DRGX: variants seen among roughly 807,000 people sequenced by gnomAD.
The protein encoded by DRGX is dorsal root ganglia homeobox protein.
In DRGX, 21 loss-of-function variants were observed where a neutral mutation model predicts 28.6. The observed-to-expected ratio is 0.73, with a 90% CI of 0.52 to 1.06. The LOEUF is 1.06. DRGX is among the 50% of genes least tolerant of loss of function. The pLI, the probability that DRGX is intolerant of heterozygous loss-of-function variation, is 0.00. For missense variants in DRGX, 354 were observed against 343.9 expected (o/e 1.03, Z -0.23); for synonymous variants, 136 against 139.1 (o/e 0.98, Z 0.16).
At chr10:49,386,406 C>A in intron 6 of DRGX, 72 bp downstream of exon 6, 1 of 1,375,302 alleles carries the variant, frequency 7.3e-7, no homozygotes, top group Non-Finnish European at 9.7e-7. Flanking sequence ...CGAGCCAAGA[C>A]CCAGGCCGGT....
chr10:49,386,764 G>A lies in DRGX; in HGVS notation c.329C>T (p.Thr110Ile), dbSNP rs985358606. Residue 110 changes from threonine (T) to isoleucine (I), a missense_variant, in exon 5 of 7, where the codon ACA becomes ATA. Thr to Ile is a moderately conservative substitution (Grantham distance 89). Transcript: ENST00000374139. The part of the protein sequence containing the change: ...PGAKEPMAEV[T>I]PPPVRNINSP... The stretch of plus-strand genomic sequence containing the variant: ...GTTGATGTTTCTCACTGGAGGAGGT[G>A]TCACCTCTGCCATGGGCTCCTTGGC... 4 of 1,610,318 alleles carry A rather than the reference G, an allele frequency of 2.5e-6. No individual in the cohort carries two copies. Among genetic ancestry groups the A allele is most frequent in the Non-Finnish European group, 3.4e-6 (4 of 1,178,342 alleles).
intron 6 of DRGX, among the ~76,000 whole-genome samples, chr10:49,373,652 C>T (rs1259963276): frequency 1.3e-5 from 2 of 152,190 alleles, no homozygotes; most frequent in African/African-American, 4.8e-5. Context: ...GAATCCAGTG[C>T]CCTCACAAGA....
At chr10:49,390,663 C>T (rs1849893080) in intron 3 of DRGX, among the ~76,000 whole-genome samples, 1 of 152,196 alleles carries the variant, frequency 6.6e-6, no homozygotes, top group Admixed American at 6.5e-5. Flanking sequence ...TGGTCACCTT[C>T]ACAGCCACTC....
At chr10:49,388,172 G>A (rs925053826) in intron 4 of DRGX, among the ~76,000 whole-genome samples, 1 of 152,216 alleles carries the variant, frequency 6.6e-6, no homozygotes, top group Non-Finnish European at 1.5e-5. Flanking sequence ...CTGTAGGATG[G>A]CCTCATGGAA....
chr10:49,373,844 T>G (rs1435168379), intron 6 of DRGX, among the ~76,000 whole-genome samples: 1 of 152,184 alleles, frequency 6.6e-6, no homozygotes, highest in Non-Finnish European at 1.5e-5. Context: ...CATATATATA[T>G]GTACAGCCAT....
At chr10:49,373,401 G>A (rs1849681301) in intron 6 of DRGX, among the ~76,000 whole-genome samples, 1 of 152,178 alleles carries the variant, frequency 6.6e-6, no homozygotes, top group Non-Finnish European at 1.5e-5. Flanking sequence ...GAATATATAT[G>A]CGTGTGTATA....
intron 6 of DRGX, among the ~76,000 whole-genome samples, chr10:49,378,552 T>C (rs954336425): frequency 3.3e-5 from 5 of 152,212 alleles, no homozygotes; most frequent in African/African-American, 1.2e-4. Context: ...ATGGATGAAT[T>C]GTATAGAATG....
Position 49,366,000 on chromosome 10 carries a change from T to A in DRGX, c.*116A>T. On this transcript the variant is annotated 3_prime_UTR_variant, in exon 7 of 7. Transcript: ENST00000374139. ...GTCTCACTTGCCCGTCCTGGGTCCA[T>A]GCAGAGGCCCTGGGGCCGCAGGCTT... 7.5e-7 allele frequency: 1 copy of A among 1,325,044 alleles called. No homozygotes were observed. The highest frequency in any genetic ancestry group is 1.5e-5 in the African/African-American group (1 of 67,212). 82.1% of individuals were successfully genotyped at this position (1,325,044 alleles called of 1,614,324 possible).
At chr10:49,378,936 T>C (rs1185653944) in intron 6 of DRGX, among the ~76,000 whole-genome samples, 2 of 152,104 alleles carry the variant, frequency 1.3e-5, no homozygotes, top group African/African-American at 2.4e-5. Context: ...ATATGTGAAG[T>C]TCAAAAAAGT....
intron 6 of DRGX, among the ~76,000 whole-genome samples, chr10:49,382,979 A>G (rs1849793810): frequency 6.6e-6 from 1 of 152,088 alleles, no homozygotes; most frequent in Non-Finnish European, 1.5e-5. Context: ...ACTATGCCGC[A>G]AGCACACACC....
chr10:49,382,664 G>T (rs1400117683), intron 6 of DRGX, among the ~76,000 whole-genome samples: 1 of 152,160 alleles, frequency 6.6e-6, no homozygotes, highest in East Asian at 1.9e-4. Flanking sequence ...TCCAAGCCAC[G>T]TAACACATGT....
chr10:49,385,556 C>A (rs956805572), intron 6 of DRGX, among the ~76,000 whole-genome samples: 4 of 152,198 alleles, frequency 2.6e-5, no homozygotes, highest in Non-Finnish European at 5.9e-5. Flanking sequence ...ACCACCTTTG[C>A]AACACAGATT....
chr10:49,371,791 CAA>C (rs563658320), intron 6 of DRGX, among the ~76,000 whole-genome samples: 2,170 of 45,260 alleles, frequency 0.048, 23 homozygotes, highest in African/African-American at 0.11. Context: ...GACTCCATCT[CAA>C]AAAAAAAAAA....
At chr10:49,368,601 G>A (rs1199743709) in intron 6 of DRGX, among the ~76,000 whole-genome samples, 1 of 152,234 alleles carries the variant, frequency 6.6e-6, no homozygotes, top group African/African-American at 2.4e-5. Flanking sequence ...AGTCCTTCCT[G>A]ATGGTTAGAA....
At chr10:49,371,432 C>A (rs1306200243) in intron 6 of DRGX, among the ~76,000 whole-genome samples, 1 of 152,100 alleles carries the variant, frequency 6.6e-6, no homozygotes, top group Non-Finnish European at 1.5e-5. Context: ...GTGGGTGGAT[C>A]GCTTGAGCCC....
chr10:49,377,841 T>C (rs1849732188), intron 6 of DRGX, among the ~76,000 whole-genome samples: 1 of 152,222 alleles, frequency 6.6e-6, no homozygotes, highest in Admixed American at 6.5e-5. Flanking sequence ...GTTGCTATTT[T>C]ATAATACTAA....
intron 6 of DRGX, 140 bp from the exon 7 acceptor site, chr10:49,366,521 T>G (rs1849603384): frequency 7.9e-7 from 1 of 1,263,098 alleles, no homozygotes; most frequent in Middle Eastern, 2.4e-4. Flanking sequence ...GAAGGACAAG[T>G]GCTCAGAACC....
intron 6 of DRGX, among the ~76,000 whole-genome samples, chr10:49,378,075 A>G (rs995153273): frequency 2.6e-5 from 4 of 152,222 alleles, no homozygotes; most frequent in Admixed American, 6.5e-5. Context: ...AAGAATCAAT[A>G]TAATTCATCC....
At chr10:49,383,416 GA>G (rs1256186437) in intron 6 of DRGX, among the ~76,000 whole-genome samples, 1 of 152,194 alleles carries the variant, frequency 6.6e-6, no homozygotes, top group Non-Finnish European at 1.5e-5. Context: ...CCAGGGAGGA[GA>G]GCTTTGCTGG....
Sources: gnomAD v4.1 joint callset for allele counts (sites outside exome capture counted in the v4.1 genomes callset) on GRCh38, gnomAD v4.1.1 for gene constraint, MANE v1.5 for transcripts, NCBI Gene and HGNC (gene_info 2026-07-23, HGNC 2026-07-21) for gene names.